SPEN: variants seen among roughly 807,000 people sequenced by gnomAD.
The protein encoded by SPEN is spen family transcriptional repressor, also known as msx2-interacting protein.
In SPEN, 18 loss-of-function variants were observed where a neutral mutation model predicts 269.9. The ratio of observed to expected loss-of-function variants is 0.07; its 90% CI spans 0.05 to 0.10. The LOEUF is 0.10. Among genes scored for constraint, SPEN ranks in the 10% least tolerant of loss-of-function variants. The pLI, the probability that SPEN is intolerant of heterozygous loss-of-function variation, is 1.00. For synonymous variants in SPEN, 1,726 were observed against 1,765.7 expected, an observed-to-expected ratio of 0.98 and a Z score of 0.56; for missense variants, 3,822 against 4,631.2, an observed-to-expected ratio of 0.83 and a Z score of 5.07.
rs753274633 is a variant in SPEN, at chr1:15,876,579, AAGC to A, written c.784_786del (p.Ala262del). 6.2e-7 allele frequency: 1 copy of A among 1,614,076 alleles called. No individual in the cohort carries two copies. Among genetic ancestry groups the A allele is most frequent in the Admixed American group, 1.7e-5 (1 of 60,020 alleles). On this transcript the variant is annotated inframe_deletion, in exon 3 of 15. Coordinates refer to ENST00000375759, the MANE Select transcript of SPEN (RefSeq NM_015001.3). ...CAGTCTCCTCAGAGACTGGCTAGCCAAGCATCTAGACCCACAAGGTCCCCTAGC... is the reference window on the plus strand; with the variant it reads ...CAGTCTCCTCAGAGACTGGCTAGCCAATCTAGACCCACAAGGTCCCCTAGC...
At chr1:15,853,762 C>T (rs926291114) in intron 1 of SPEN, among the ~76,000 whole-genome samples, 6 of 151,840 alleles carry the variant, frequency 4.0e-5, no homozygotes, top group African/African-American at 7.3e-5. Flanking sequence ...TCTGCCTTCC[C>T]GGTTCAAGTG....
chr1:15,933,641 C>T lies in SPEN; in HGVS notation c.7401C>T (p.Ile2467=). The T allele has an allele frequency of 6.2e-7, 1 of 1,614,154 alleles. No homozygotes were observed. The highest frequency in any genetic ancestry group is 8.5e-7 in the Non-Finnish European group (1 of 1,180,022). The part of the protein sequence containing the change: ...DPVTPPSDPS[I]PIPTLPSVTA... The stretch of plus-strand genomic sequence containing the variant: ...TGACCCCACCCAGCGATCCAAGCAT[C>T]CCCATACCCACACTGCCTTCTGTAA... The change falls in exon 11 of 15, where the codon ATC becomes ATT. Residue 2467 remains isoleucine, a synonymous_variant. Coordinates refer to ENST00000375759, the MANE Select transcript of SPEN (RefSeq NM_015001.3). The surrounding 1 kb of genome is among the most constrained non-coding windows in gnomAD (Gnocchi z 5.7).
chr1:15,907,388 A>G (rs1000310700), intron 3 of SPEN, among the ~76,000 whole-genome samples: 2 of 152,124 alleles, frequency 1.3e-5, no homozygotes, highest in Non-Finnish European at 2.9e-5. Context: ...AGGCACGAGA[A>G]TCACTTGAAC....
chr1:15,907,319 TAAAAATATA>T (rs1301980997), intron 3 of SPEN, among the ~76,000 whole-genome samples: 2 of 151,848 alleles, frequency 1.3e-5, no homozygotes, highest in Non-Finnish European at 2.9e-5. Context: ...CTGTCTCCAC[TAAAAATATA>T]AAAAATAGCT....
At chr1:15,853,285 C>T (rs890790951) in intron 1 of SPEN, among the ~76,000 whole-genome samples, 1 of 150,440 alleles carries the variant, frequency 6.6e-6, no homozygotes, top group African/African-American at 2.5e-5. Flanking sequence ...CTCCTGGGTT[C>T]AAGCACTTCT....
In SPEN at chr1:15,847,918, G is replaced by C. The variant is rs987570578; in HGVS notation, c.-150G>C. Reference sequence around the variant, plus strand: ...GGGGGAGAGGGATGGTCTCTGCACGGGGGGGAGCCGGAGGAGCCGCCGCCG... The same window carrying C: ...GGGGGAGAGGGATGGTCTCTGCACGCGGGGGAGCCGGAGGAGCCGCCGCCG... On this transcript the variant is annotated 5_prime_UTR_variant, in exon 1 of 15. Transcript: ENST00000375759. The C allele has an allele frequency of 1.5e-4, 51 of 334,956 alleles. No homozygotes were observed. Among genetic ancestry groups the C allele is most frequent in the African/African-American group, 9.8e-4 (45 of 45,948 alleles). The allele number at this position is 334,956 out of a possible 1,614,324, so 20.7% of individuals were successfully genotyped here.
rs199526712 is a variant in SPEN at position 15,938,780 on chromosome 1, G to A, written c.10767G>A (p.Val3589=). 1.1e-5 allele frequency: 17 copies of A among 1,614,014 alleles called. No individual in the cohort carries two copies. In the Admixed American group the frequency reaches 1.5e-4, roughly 14 times the overall value. The change falls in exon 14 of 15, where the codon GTG becomes GTA. Residue 3589 remains valine, a synonymous_variant. Coordinates refer to ENST00000375759, the MANE Select transcript of SPEN (RefSeq NM_015001.3). ...GTGGCCGTGACCAAGAGGATGTTGTGAGCCAGACCGAGTCCCTCAAGGCTG... is the reference window on the plus strand; with the variant it reads ...GTGGCCGTGACCAAGAGGATGTTGTAAGCCAGACCGAGTCCCTCAAGGCTG... The part of the protein sequence containing the change: ...LPCGRDQEDV[V]SQTESLKAAF...
rs747905822 is a variant in SPEN, at chr1:15,929,143, A to G, written c.2903A>G (p.Gln968Arg). 30 of 1,614,250 alleles carry G rather than the reference A, an allele frequency of 1.9e-5. No homozygotes were observed. Among genetic ancestry groups the G allele is most frequent in the Non-Finnish European group, 2.5e-5 (29 of 1,180,040 alleles). Reference sequence around the variant, plus strand: ...GCCAGGAAGCACCTCAAGCCTGAGCAGCCTGCAGATGGGGTAAGTGCTGTG... The same window carrying G: ...GCCAGGAAGCACCTCAAGCCTGAGCGGCCTGCAGATGGGGTAAGTGCTGTG... ...LKARKHLKPE[Q>R]PADGVSAVDL... Residue 968 changes from glutamine (Q) to arginine (R), a missense_variant, in exon 11 of 15, where the codon CAG becomes CGG. Coordinates refer to ENST00000375759, the MANE Select transcript of SPEN (RefSeq NM_015001.3). The surrounding 1 kb of genome is among the most constrained non-coding windows in gnomAD (Gnocchi z 5.8).
At chr1:15,878,607 T>C (rs6665768) in intron 3 of SPEN, among the ~76,000 whole-genome samples, 128,669 of 152,206 alleles carry the variant, frequency 0.85, 54,660 homozygotes, top group Middle Eastern at 0.91. Flanking sequence ...GTTCCACTTT[T>C]TTTTCTGCAT....
intron 3 of SPEN, among the ~76,000 whole-genome samples, chr1:15,884,013 T>C (rs936492436): frequency 2.0e-5 from 3 of 152,078 alleles, no homozygotes; most frequent in African/African-American, 7.2e-5. Flanking sequence ...GGTTTCATCA[T>C]GTTAGCCAGG....
chr1:15,935,436 C>A lies in SPEN; in HGVS notation c.9196C>A (p.Gln3066Lys). 1 of 1,614,144 alleles carries A rather than the reference C, an allele frequency of 6.2e-7. No individual in the cohort carries two copies. The highest frequency in any genetic ancestry group is 8.5e-7 in the Non-Finnish European group (1 of 1,180,034). The stretch of plus-strand genomic sequence containing the variant: ...GCTGGCTGCAGGCATCCCAGTGCCC[C>A]AGTTCATCTCCAGCATCCACCCAGA... The part of the protein sequence containing the change: ...VMLAAGIPVP[Q>K]FISSIHPEQS... Residue 3066 changes from glutamine to lysine, a missense_variant, in exon 11 of 15, where the codon CAG becomes AAG. Physicochemically the swap from Gln to Lys is moderately conservative, Grantham distance 53 (BLOSUM62 1). Coordinates refer to ENST00000375759, the MANE Select transcript of SPEN (RefSeq NM_015001.3). The surrounding 1 kb of genome is among the most constrained non-coding windows in gnomAD (Gnocchi z 7.7).
intron 10 of SPEN, among the ~76,000 whole-genome samples, chr1:15,925,374 T>C (rs551313241): frequency 6.6e-6 from 1 of 152,142 alleles, no homozygotes; most frequent in African/African-American, 2.4e-5. Context: ...CTTTCTGCAG[T>C]TCCTCAGAGT....
At position 15,918,947 on chromosome 1, in the gene SPEN, A is replaced by C; in HGVS notation, c.1417A>C (p.Asn473His). Residue 473 changes from asparagine (N) to histidine (H), a missense_variant, in exon 7 of 15, where the codon AAT becomes CAT. Coordinates refer to ENST00000375759, the MANE Select transcript of SPEN (RefSeq NM_015001.3). Reference sequence around the variant, plus strand: ...TCAGGATATTGACATTAAGAAAGTAAATGGAGTTCCTCAGTATGCGTTTCT... The same window carrying C: ...TCAGGATATTGACATTAAGAAAGTACATGGAGTTCCTCAGTATGCGTTTCT... The part of the protein sequence containing the change: ...EIVDIDIKKV[N>H]GVPQYAFLQY... 6.2e-7 allele frequency: 1 copy of C among 1,609,662 alleles called. No individual in the cohort carries two copies. Among genetic ancestry groups the C allele is most frequent in the Non-Finnish European group, 8.5e-7 (1 of 1,178,506 alleles).
At chr1:15,882,313 C>G (rs1557742010) in intron 3 of SPEN, among the ~76,000 whole-genome samples, 1 of 152,076 alleles carries the variant, frequency 6.6e-6, no homozygotes, top group African/African-American at 2.4e-5. Flanking sequence ...GTTGAACATA[C>G]TTTATTTCTA....
chr1:15,911,374 G>A (rs916735215), intron 5 of SPEN, 73 bp downstream of exon 5: 7 of 1,233,298 alleles, frequency 5.7e-6, no homozygotes, highest in African/African-American at 3.0e-5. Context: ...TGAGAGGGCA[G>A]CATATGATCC....
rs58297957 is a variant in SPEN at position 15,898,173 on chromosome 1, TTGTGTGTGTGTGTGTGTG to T, written c.882-11128_882-11111del. Among the ~76,000 whole-genome samples, 5 of 147,496 alleles carry T rather than the reference TTGTGTGTGTGTGTGTGTG, an allele frequency of 3.4e-5. No homozygotes were observed. In the East Asian group the frequency reaches 7.9e-4, roughly 23 times the overall value. On this transcript the variant is annotated intron_variant, in intron 3 of 14. Coordinates refer to ENST00000375759, the MANE Select transcript of SPEN (RefSeq NM_015001.3). Reference sequence around the variant, plus strand: ...TTGTATTTTACTTCTTAATTTATCTTTGTGTGTGTGTGTGTGTGTGTGTGTGTGTGTGTGTGTAAAATA... The same window carrying T: ...TTGTATTTTACTTCTTAATTTATCTTTGTGTGTGTGTGTGTGTGTAAAATA...
At chr1:15,866,132 C>G (rs1048095901) in intron 1 of SPEN, among the ~76,000 whole-genome samples, 3 of 152,020 alleles carry the variant, frequency 2.0e-5, no homozygotes, top group Non-Finnish European at 2.9e-5. Flanking sequence ...TATGAAAAAT[C>G]TTGCTCACCT....
intron 3 of SPEN, among the ~76,000 whole-genome samples, chr1:15,896,775 TG>T (rs1181391721): frequency 6.6e-6 from 1 of 152,192 alleles, no homozygotes; most frequent in Non-Finnish European, 1.5e-5. Context: ...ATTACTAGCT[TG>T]GGCAACATAG....
intron 1 of SPEN, among the ~76,000 whole-genome samples, chr1:15,854,999 T>A (rs2070371185): frequency 6.6e-6 from 1 of 152,200 alleles, no homozygotes; most frequent in Admixed American, 6.5e-5. Flanking sequence ...TTTAGTGAAT[T>A]CTTGGATTTA....
Sources: allele counts gnomAD v4.1 joint callset (sites outside exome capture counted in the v4.1 genomes callset), GRCh38; gene constraint gnomAD v4.1.1; non-coding constraint Gnocchi (gnomAD v3.1); transcripts MANE v1.5; gene names NCBI Gene and HGNC (gene_info 2026-07-23, HGNC 2026-07-21).